NSRP1: variants seen among roughly 807,000 people sequenced by gnomAD.
The protein encoded by NSRP1 is nuclear speckle splicing regulatory protein 1.
NSRP1 carries 24 observed loss-of-function variants against 54.7 expected under a neutral mutation model. That is an observed-to-expected ratio of 0.44 (90% CI 0.32 to 0.62). The LOEUF (loss-of-function observed/expected upper bound fraction) is 0.62. NSRP1 is among the 20% of genes least tolerant of loss of function. NSRP1 has a pLI of 0.06. For missense variants in NSRP1, 596 were observed against 651.2 expected (o/e 0.92, Z 0.92); for synonymous variants, 210 against 213.8 (o/e 0.98, Z 0.15).
intron 2 of NSRP1, among the ~76,000 whole-genome samples, chr17:30,157,567 A>G (rs1351395185): frequency 1.3e-5 from 2 of 152,236 alleles, no homozygotes; most frequent in East Asian, 3.9e-4. Context: ...ATCTAACTGT[A>G]TGTTTGGGTA....
At chr17:30,174,379 C>T (rs553980340) in intron 3 of NSRP1, among the ~76,000 whole-genome samples, 7 of 152,098 alleles carry the variant, frequency 4.6e-5, no homozygotes, top group Non-Finnish European at 1.0e-4. Flanking sequence ...TTCAGCTCAT[C>T]GAATGTCTTT....
At chr17:30,119,097 T>C (rs2071573728) in intron 2 of NSRP1, among the ~76,000 whole-genome samples, 1 of 149,206 alleles carries the variant, frequency 6.7e-6, no homozygotes, top group Non-Finnish European at 1.5e-5. Context: ...TTTTTTTTCT[T>C]TTTTTTTTTG....
rs745404597 is a variant in NSRP1, at chr17:30,175,304, C to T, written c.171+2706C>T. ...ATTTGCATTATGATTTCTTGTTTGA[C>T]CCATCTATTATTAATTTCTGAACAT... On this transcript the variant is annotated intron_variant, in intron 3 of 6. Transcript: ENST00000247026. 2.0e-5 allele frequency among the ~76,000 whole-genome samples: 3 copies of T among 152,124 alleles called. 1 individual carries two copies. The highest frequency in any genetic ancestry group is 7.2e-5 in the African/African-American group (3 of 41,408).
chr17:30,129,406 AAGTG>A lies in NSRP1; in HGVS notation c.114+11238_114+11241del, dbSNP rs375589841. On this transcript the variant is annotated intron_variant, in intron 2 of 6. Coordinates refer to ENST00000247026, the MANE Select transcript of NSRP1 (RefSeq NM_032141.4). ...TGTTATAATTTTGACGAATACAAGG[AAGTG>A]AGTGCTTAAAAAAAAAAAGATAACC... Among the ~76,000 whole-genome samples, 16 of 151,714 alleles carry A rather than the reference AAGTG, an allele frequency of 1.1e-4. No individual in the cohort carries two copies. In the East Asian group the frequency reaches 3.1e-3, roughly 29 times the overall value.
Position 30,172,605 on chromosome 17 carries a change from T to C in NSRP1, c.171+7T>C. 6.2e-7 allele frequency: 1 copy of C among 1,608,620 alleles called. No individual in the cohort carries two copies. Among genetic ancestry groups the C allele is most frequent in the Non-Finnish European group, 8.5e-7 (1 of 1,176,680 alleles). Reference sequence around the variant, plus strand: ...GAAGCAGGCCATGAAACAGGTAAGGTAGAAGACTGGGATAAGTGCATTCAG... The same window carrying C: ...GAAGCAGGCCATGAAACAGGTAAGGCAGAAGACTGGGATAAGTGCATTCAG... On this transcript the variant is annotated splice_region_variant and intron_variant, in intron 3 of 6. Coordinates refer to ENST00000247026, the MANE Select transcript of NSRP1 (RefSeq NM_032141.4).
chr17:30,131,832 AT>A, intron 2 of NSRP1, among the ~76,000 whole-genome samples: 1 of 152,332 alleles, frequency 6.6e-6, no homozygotes, highest in African/African-American at 2.4e-5. Flanking sequence ...AACTTTAAAA[AT>A]TGGAGTCAGT....
chr17:30,137,667 CATTTTA>C (rs1479302305), intron 2 of NSRP1, among the ~76,000 whole-genome samples: 2 of 152,154 alleles, frequency 1.3e-5, no homozygotes, highest in Non-Finnish European at 2.9e-5. Context: ...AGTTGCTAAA[CATTTTA>C]ATTAGGGATT....
chr17:30,159,257 C>T (rs577411981), intron 2 of NSRP1, among the ~76,000 whole-genome samples: 2 of 151,900 alleles, frequency 1.3e-5, no homozygotes, highest in African/African-American at 2.4e-5. Context: ...TCTTTTTCCT[C>T]TAGTTTGTTG....
At chr17:30,119,660 G>A (rs1390871469) in intron 2 of NSRP1, among the ~76,000 whole-genome samples, 3 of 152,032 alleles carry the variant, frequency 2.0e-5, no homozygotes, top group Non-Finnish European at 2.9e-5. Flanking sequence ...ACACCACCAC[G>A]CCTGGCTAAT....
rs1196589380 is a variant in NSRP1, at chr17:30,160,799, C to T, written c.115-11743C>T. ...ACTACTGGTAGTAAGTAGAAGGCTG[C>T]ATAAGACAGATCTGTGCTCTCAAGG... On this transcript the variant is annotated intron_variant, in intron 2 of 6. Coordinates refer to ENST00000247026, the MANE Select transcript of NSRP1 (RefSeq NM_032141.4). Among the ~76,000 whole-genome samples the T allele has an allele frequency of 2.0e-5, 3 of 152,120 alleles. No homozygotes were observed. The East Asian group carries it at 5.8e-4, about 29-fold the overall frequency.
At chr17:30,182,269 G>T (rs1049103860) in intron 6 of NSRP1, among the ~76,000 whole-genome samples, 1 of 152,122 alleles carries the variant, frequency 6.6e-6, no homozygotes, top group African/African-American at 2.4e-5. Flanking sequence ...TTCCTAAAAT[G>T]TAAGACTTAC....
chr17:30,139,818 A>T (rs1018845788), intron 2 of NSRP1, among the ~76,000 whole-genome samples: 20 of 152,126 alleles, frequency 1.3e-4, no homozygotes, highest in African/African-American at 4.8e-4. Flanking sequence ...AGGTCAGGAG[A>T]TCGAGACCAT....
At chr17:30,149,736 G>A (rs767705949) in intron 2 of NSRP1, among the ~76,000 whole-genome samples, 1 of 151,316 alleles carries the variant, frequency 6.6e-6, no homozygotes, top group Non-Finnish European at 1.5e-5. Context: ...ACAGGAGGCT[G>A]AGGCAGGAGC....
At chr17:30,155,261 T>C (rs1407830776) in intron 2 of NSRP1, among the ~76,000 whole-genome samples, 2 of 152,174 alleles carry the variant, frequency 1.3e-5, no homozygotes, top group Non-Finnish European at 2.9e-5. Context: ...TGTACCCCTT[T>C]ATAGGTGACC....
chr17:30,178,908 A>C (rs952597301), intron 4 of NSRP1, among the ~76,000 whole-genome samples, 182 bp from the exon 5 acceptor site: 3 of 152,124 alleles, frequency 2.0e-5, no homozygotes, highest in Non-Finnish European at 4.4e-5. Context: ...TATCTCTGCT[A>C]CACCTAAATT....
Position 30,172,610 on chromosome 17 carries a change from G to T in NSRP1, c.171+12G>T. On this transcript the variant is annotated intron_variant, in intron 3 of 6. Transcript: ENST00000247026. ...AGGCCATGAAACAGGTAAGGTAGAA[G>T]ACTGGGATAAGTGCATTCAGTGAAG... 1 of 1,606,682 alleles carries T rather than the reference G, an allele frequency of 6.2e-7. No homozygotes were observed. Among genetic ancestry groups the T allele is most frequent in the South Asian group, 1.1e-5 (1 of 90,194 alleles).
Position 30,142,895 on chromosome 17 carries a change from A to G in NSRP1, c.114+24722A>G, listed in dbSNP as rs1005656972. 2.0e-5 allele frequency among the ~76,000 whole-genome samples: 3 copies of G among 152,292 alleles called. No individual in the cohort carries two copies. The South Asian group carries it at 6.2e-4, about 32-fold the overall frequency. On this transcript the variant is annotated intron_variant, in intron 2 of 6. Coordinates refer to ENST00000247026, the MANE Select transcript of NSRP1 (RefSeq NM_032141.4). ...CCATTATATTAGAAAAATTCCATAA[A>G]TAAGGCAGTTATGTCCATAATTACA...
At chr17:30,171,008 T>C (rs764897928) in intron 2 of NSRP1, among the ~76,000 whole-genome samples, 4 of 152,186 alleles carry the variant, frequency 2.6e-5, no homozygotes, top group Non-Finnish European at 5.9e-5. Flanking sequence ...TGGTTCTGAT[T>C]TACATTTCCC....
At chr17:30,172,444 A>G in intron 2 of NSRP1, 98 bp from the exon 3 acceptor site, 1 of 825,650 alleles carries the variant, frequency 1.2e-6, no homozygotes, top group African/African-American at 1.7e-5. Context: ...TGAAATACAA[A>G]ACACTTCTGG....
Sources: gnomAD v4.1 joint callset for allele counts (sites outside exome capture counted in the v4.1 genomes callset) on GRCh38, gnomAD v4.1.1 for gene constraint, MANE v1.5 for transcripts, NCBI Gene and HGNC (gene_info 2026-07-23, HGNC 2026-07-21) for gene names.